Variants in TTLL7 observed in about 807,000 individuals in gnomAD.
TTLL7 encodes the protein tubulin tyrosine ligase like 7.
TTLL7 carries 53 observed loss-of-function variants against 120.2 expected under a neutral mutation model. That is an observed-to-expected ratio of 0.44 (90% CI 0.35 to 0.55). The LOEUF (loss-of-function observed/expected upper bound fraction) is 0.55, where lower values mean the gene tolerates loss of function less well. Ranked by LOEUF, TTLL7 falls within the 20% of genes least tolerant of loss-of-function variation. The pLI is 0.00. For synonymous variants in TTLL7, 353 were observed against 351.7 expected (o/e 1.00, Z -0.04); for missense variants, 803 against 1,054.7 (o/e 0.76, Z 3.31).
chr1:83,946,187 G>C, intron 6 of TTLL7: 1 of 152,330 alleles, frequency 6.6e-6, no homozygotes, highest in Non-Finnish European at 1.5e-5. Flanking sequence ...GAGTAGCTGG[G>C]ACTGCAGGCG....
At chr1:83,890,589 G>A in intron 18 of TTLL7, 108 bp from the exon 19 acceptor site, 3 of 804,250 alleles carry the variant, frequency 3.7e-6, no homozygotes, top group Non-Finnish European at 5.8e-6. Flanking sequence ...GCAATATAGT[G>A]AGAACCTGTC....
intron 1 of TTLL7, among the ~76,000 whole-genome samples, chr1:83,965,538 A>C (rs984588753): frequency 1.3e-5 from 2 of 152,130 alleles, no homozygotes; most frequent in African/African-American, 4.8e-5. Flanking sequence ...CAGCAGTGTG[A>C]AAATACGCTA....
chr1:83,974,629 C>T (rs1651296438), intron 1 of TTLL7, among the ~76,000 whole-genome samples: 1 of 151,968 alleles, frequency 6.6e-6, no homozygotes, highest in Non-Finnish European at 1.5e-5. Context: ...TATAATATGG[C>T]AGACGCTATT....
At chr1:83,988,020 C>T (rs1036187382) in intron 1 of TTLL7, among the ~76,000 whole-genome samples, 3 of 152,160 alleles carry the variant, frequency 2.0e-5, no homozygotes, top group African/African-American at 7.2e-5. Context: ...AGTTTTTCAG[C>T]CCACATTCTT....
chr1:83,948,943 T>C, intron 4 of TTLL7: 2 of 302,986 alleles, frequency 6.6e-6, no homozygotes, highest in Non-Finnish European at 1.2e-5. Flanking sequence ...AAAGTTATAA[T>C]TTTCTAGGTT....
chr1:83,937,863 T>C lies in TTLL7; in HGVS notation c.877A>G (p.Ser293Gly), dbSNP rs773986034. 1 of 1,613,994 alleles carries C rather than the reference T, an allele frequency of 6.2e-7. No homozygotes were observed. The highest frequency in any genetic ancestry group is 2.2e-5 in the East Asian group (1 of 44,862). The change falls in exon 8 of 21, where the codon AGT (serine) becomes GGT (glycine). Residue 293 changes from serine to glycine, a missense_variant. Physicochemically the swap from Ser to Gly is moderately conservative, Grantham distance 56 (BLOSUM62 0). Around this residue, in one of 3 missense-constraint regions of TTLL7, gnomAD observed 324 missense variants for 507.7 expected, o/e 0.64. Coordinates refer to ENST00000260505, the MANE Select transcript of TTLL7 (RefSeq NM_024686.6). ...ANQHDVAKFW[S>G]DISELVVKTL... Reference sequence around the variant, plus strand: ...TGGCATAATCTTACTGAAATATCACTCCAAAACTTAGCAACATCATGTTGA... The same window carrying C: ...TGGCATAATCTTACTGAAATATCACCCCAAAACTTAGCAACATCATGTTGA...
At chr1:83,892,846 A>ATATGAACACATATT in intron 18 of TTLL7, among the ~76,000 whole-genome samples, 1 of 19,590 alleles carries the variant, frequency 5.1e-5, no homozygotes, top group African/African-American at 1.8e-4. Flanking sequence ...GAACACATAT[A>ATATGAACACATATT]TGAGTATATA....
chr1:83,899,077 G>T (rs1159021222), intron 18 of TTLL7, among the ~76,000 whole-genome samples: 2 of 151,788 alleles, frequency 1.3e-5, no homozygotes, highest in Non-Finnish European at 2.9e-5. Context: ...TATAAAAATG[G>T]AAAGTTTTAT....
intron 19 of TTLL7, among the ~76,000 whole-genome samples, chr1:83,886,153 A>G (rs965291833): frequency 1.3e-5 from 2 of 152,096 alleles, no homozygotes; most frequent in Admixed American, 6.6e-5. Flanking sequence ...CCAGTAATCC[A>G]ATAATTTTCA....
intron 18 of TTLL7, chr1:83,902,337 A>C (rs532675653): frequency 6.6e-6 from 1 of 151,960 alleles, no homozygotes; most frequent in South Asian, 2.1e-4. Context: ...TTCCTTGAAA[A>C]AGTGCCTGTA....
intron 3 of TTLL7, among the ~76,000 whole-genome samples, chr1:83,950,832 G>C (rs1648971315): frequency 6.6e-6 from 1 of 152,100 alleles, no homozygotes; most frequent in Non-Finnish European, 1.5e-5. Flanking sequence ...GGCATCCTGA[G>C]GACTCAGCAG....
chr1:83,964,782 C>T (rs187099558), intron 1 of TTLL7, among the ~76,000 whole-genome samples: 1 of 152,186 alleles, frequency 6.6e-6, no homozygotes, highest in African/African-American at 2.4e-5. Flanking sequence ...ACAGTTGACC[C>T]TAGGTATTGA....
intron 18 of TTLL7, among the ~76,000 whole-genome samples, chr1:83,902,916 A>C (rs546359070): frequency 6.6e-6 from 1 of 152,056 alleles, no homozygotes; most frequent in South Asian, 2.1e-4. Context: ...GCATCCATCC[A>C]TTCAGTTACC....
Position 83,868,752 on chromosome 1 carries a change from C to T in TTLL7, c.*1210G>A. The T allele has an allele frequency of 6.6e-6, 1 of 152,138 alleles. No individual in the cohort carries two copies. Among genetic ancestry groups the T allele is most frequent in the South Asian group, 2.1e-4 (1 of 4,820 alleles). 9.4% of individuals were successfully genotyped at this position (152,138 alleles called of 1,614,324 possible). On this transcript the variant is annotated 3_prime_UTR_variant, in exon 21 of 21. Coordinates refer to ENST00000260505, the MANE Select transcript of TTLL7 (RefSeq NM_024686.6). ...AAACAGGAGAAATTGTATTTAACCACATGTTAAACCCATCAAAGATATACT... is the reference window on the plus strand; with the variant it reads ...AAACAGGAGAAATTGTATTTAACCATATGTTAAACCCATCAAAGATATACT...
At chr1:83,919,033 CTATCT>C (rs937958292) in intron 13 of TTLL7, among the ~76,000 whole-genome samples, 7 of 152,000 alleles carry the variant, frequency 4.6e-5, no homozygotes, top group African/African-American at 1.7e-4. Flanking sequence ...GATGTTTCAG[CTATCT>C]TATCTGACAC....
rs917771831 is a variant in TTLL7 at position 83,866,484 on chromosome 1, A to G, written c.*3478T>C. The G allele has an allele frequency of 6.6e-6, 1 of 151,898 alleles. No individual in the cohort carries two copies. Among genetic ancestry groups the G allele is most frequent in the Non-Finnish European group, 1.5e-5 (1 of 67,782 alleles). The allele number at this position is 151,898 out of a possible 1,614,324, so 9.4% of individuals were successfully genotyped here. On this transcript the variant is annotated 3_prime_UTR_variant, in exon 21 of 21. Coordinates refer to ENST00000260505, the MANE Select transcript of TTLL7 (RefSeq NM_024686.6). ...AGAAGCTACTATTATCTAGTTGGGT[A>G]TAACTATTAGATGAAAAGAAGTTTA...
intron 1 of TTLL7, among the ~76,000 whole-genome samples, chr1:83,954,351 C>T (rs922788233): frequency 6.6e-6 from 1 of 152,172 alleles, no homozygotes; most frequent in African/African-American, 2.4e-5. Flanking sequence ...CATATATGCG[C>T]TTTACTTAAT....
rs1653088950 is a variant in TTLL7, at chr1:83,868,726, G to GA, written c.*1235dup. ...AATGTGTCAACTCTTCTACTTCTGC[G>GA]AAACAGGAGAAATTGTATTTAACCA... is the stretch of plus-strand genomic sequence containing the variant. On this transcript the variant is annotated 3_prime_UTR_variant, in exon 21 of 21. Coordinates refer to ENST00000260505, the MANE Select transcript of TTLL7 (RefSeq NM_024686.6). The GA allele has an allele frequency of 6.6e-6, 1 of 151,906 alleles. No individual in the cohort carries two copies. The highest frequency in any genetic ancestry group is 2.1e-4 in the South Asian group (1 of 4,822). 9.4% of individuals were successfully genotyped at this position (151,906 alleles called of 1,614,324 possible). A position where few individuals can be genotyped will look rare whatever the true frequency, so the allele number is the denominator to read the frequency against.
chr1:83,939,276 T>G (rs939680085), intron 7 of TTLL7, among the ~76,000 whole-genome samples: 2 of 152,200 alleles, frequency 1.3e-5, no homozygotes, highest in African/African-American at 4.8e-5. Flanking sequence ...CTGAAGCATT[T>G]CCTGGTTTCC....
Sources: gnomAD v4.1 joint callset for allele counts (sites outside exome capture counted in the v4.1 genomes callset) on GRCh38, gnomAD v4.1.1 for gene constraint, gnomAD v4.1.1 regional missense constraint, MANE v1.5 for transcripts, NCBI Gene and HGNC (gene_info 2026-07-23, HGNC 2026-07-21) for gene names.